Variants in PCNX4 observed in about 807,000 individuals in gnomAD.
PCNX4 encodes the protein pecanex-like protein 4.
A neutral mutation model predicts 107.2 loss-of-function variants in PCNX4; 103 were observed. The observed-to-expected ratio is 0.96, with a 90% confidence interval of 0.82 to 1.13. PCNX4 has a LOEUF of 1.13. Ranked by LOEUF, PCNX4 falls within the 50% of genes most tolerant of loss-of-function variation. The pLI, the probability that PCNX4 is intolerant of heterozygous loss-of-function variation, is 0.00. For missense variants in PCNX4, 1,528 were observed against 1,379.4 expected (o/e 1.11, Z -1.71); for synonymous variants, 541 against 481.7 (o/e 1.12, Z -1.61).
In PCNX4 at chr14:60,118,404, T is replaced by C. The variant is rs1895891887; in HGVS notation, c.1654T>C (p.Trp552Arg). ...TGCCGTGACTGTGCTTTTGACATCA[T>C]GGACAGAGAAAAAACAACGTCGAAA... ...QFAVTVLLTS[W>R]TEKKQRRKTT... The change falls in exon 7 of 11, where the codon TGG (tryptophan) becomes CGG (arginine). Residue 552 changes from tryptophan (W) to arginine (R), a missense_variant. Physicochemically the swap from Trp to Arg is moderately radical, Grantham distance 101. Transcript: ENST00000406854. 1.9e-6 allele frequency: 3 copies of C among 1,613,520 alleles called. No individual in the cohort carries two copies. Among genetic ancestry groups the C allele is most frequent in the Middle Eastern group, 1.7e-4 (1 of 6,060 alleles).
In PCNX4 at chr14:60,141,771, C is replaced by G. The variant is rs1896308710; in HGVS notation, c.*7550C>G. The G allele has an allele frequency of 6.6e-6, 1 of 152,154 alleles. No individual in the cohort carries two copies. The highest frequency in any genetic ancestry group is 2.4e-5 in the African/African-American group (1 of 41,420). The allele number at this position is 152,154 out of a possible 1,614,324, so 9.4% of individuals were successfully genotyped here. A position where few individuals can be genotyped will look rare whatever the true frequency, so the allele number is the denominator to read the frequency against. On this transcript the variant is annotated 3_prime_UTR_variant, in exon 11 of 11. Transcript: ENST00000406854. ...AATATAACAGTTTGTTTATACCATT[C>G]ACCTGTTGATGGACATTTGTTGGTT...
intron 2 of PCNX4, 196 bp downstream of exon 2, chr14:60,108,523 T>G (rs1172321768): frequency 2.5e-6 from 1 of 400,530 alleles, no homozygotes; most frequent in Non-Finnish European, 4.5e-6. Context: ...TAAAACTTAT[T>G]AAAGAGTTTT....
In PCNX4 at chr14:60,107,900, C is replaced by G; in HGVS notation, c.262C>G (p.Gln88Glu). Residue 88 changes from glutamine (Q) to glutamate (E), a missense_variant, in exon 2 of 11, where the codon CAG becomes GAG. Physicochemically the swap from Gln to Glu is conservative, Grantham distance 29. Coordinates refer to ENST00000406854, the MANE Select transcript of PCNX4 (RefSeq NM_001330177.2). ...AATGCTTTTTACTGCATTTGTCATC[C>G]AGTTCACAAGTTTATACGCCAAAAA... ...GLMLFTAFVI[Q>E]FTSLYAKNKS... 6.2e-7 allele frequency: 1 copy of G among 1,612,858 alleles called. No individual in the cohort carries two copies. Among genetic ancestry groups the G allele is most frequent in the Non-Finnish European group, 8.5e-7 (1 of 1,179,886 alleles).
chr14:60,108,174 T>C lies in PCNX4; in HGVS notation c.536T>C (p.Phe179Ser), dbSNP rs1240409017. The change falls in exon 2 of 11, where the codon TTT (phenylalanine) becomes TCT (serine). Residue 179 changes from phenylalanine (F) to serine (S), a missense_variant. Coordinates refer to ENST00000406854, the MANE Select transcript of PCNX4 (RefSeq NM_001330177.2). ...GGAGGCACTGCTCTACTATTCTTCT[T>C]TGGATGGATGACACTATGTATAGCA... ...STGGTALLFF[F>S]GWMTLCIAEY... 1 of 1,612,720 alleles carries C rather than the reference T, an allele frequency of 6.2e-7. No individual in the cohort carries two copies. The highest frequency in any genetic ancestry group is 8.5e-7 in the Non-Finnish European group (1 of 1,179,880).
Position 60,115,118 on chromosome 14 carries a change from C to T in PCNX4, c.1014C>T (p.Thr338=). ...GTGATATGGGTCACAAAATTGGAAC[C>T]AAATCTAAGGATTTACCCAGTGGTC... ...NLSDMGHKIG[T]KSKDLPSGPE... Residue 338 remains threonine, a synonymous_variant, in exon 4 of 11, where the codon ACC becomes ACT. Transcript: ENST00000406854. 1 of 1,613,776 alleles carries T rather than the reference C, an allele frequency of 6.2e-7. No homozygotes were observed. Among genetic ancestry groups the T allele is most frequent in the Non-Finnish European group, 8.5e-7 (1 of 1,179,832 alleles).
At chr14:60,099,845 C>T (rs889768860) in intron 1 of PCNX4, among the ~76,000 whole-genome samples, 2 of 152,032 alleles carry the variant, frequency 1.3e-5, no homozygotes, top group African/African-American at 4.8e-5. Flanking sequence ...AGGCAGATCT[C>T]TTGAGGTTAG....
In PCNX4 at chr14:60,124,782, C is replaced by G. The variant is rs759598381; in HGVS notation, c.2611C>G (p.Pro871Ala). 2.5e-6 allele frequency: 4 copies of G among 1,613,352 alleles called. No individual in the cohort carries two copies. In the East Asian group the frequency reaches 6.7e-5, roughly 27 times the overall value. The stretch of plus-strand genomic sequence containing the variant: ...TGGTGATCATTCTACAGGCACTGTT[C>G]CTGAAAACGATCTTTACAAAGCAGT... ...RVGDHSTGTV[P>A]ENDLYKAVLL... The change falls in exon 9 of 11, where the codon CCT (proline) becomes GCT (alanine). Residue 871 changes from proline (P) to alanine (A), a missense_variant. Coordinates refer to ENST00000406854, the MANE Select transcript of PCNX4 (RefSeq NM_001330177.2).
chr14:60,136,406 TATC>T lies in PCNX4; in HGVS notation c.*2190_*2192del, dbSNP rs1286095664. On this transcript the variant is annotated 3_prime_UTR_variant, in exon 11 of 11. Coordinates refer to ENST00000406854, the MANE Select transcript of PCNX4 (RefSeq NM_001330177.2). ...ATCTCATCTACTTCAAGACTTGAAA[TATC>T]ATCAATAAATTGATGATGATCAAAT... 4 of 152,202 alleles carry T rather than the reference TATC, an allele frequency of 2.6e-5. No individual in the cohort carries two copies. Among genetic ancestry groups the T allele is most frequent in the Non-Finnish European group, 5.9e-5 (4 of 68,032 alleles). 9.4% of individuals were successfully genotyped at this position (152,202 alleles called of 1,614,324 possible). A position where few individuals can be genotyped will look rare whatever the true frequency, so the allele number is the denominator to read the frequency against.
chr14:60,118,145 A>G (rs575679780), intron 6 of PCNX4, among the ~76,000 whole-genome samples, 184 bp from the exon 7 acceptor site: 41 of 151,952 alleles, frequency 2.7e-4, no homozygotes, highest in African/African-American at 7.2e-4. Flanking sequence ...CAAACTTTAA[A>G]ATATAGTCTT....
At chr14:60,102,587 G>T (rs932023332) in intron 1 of PCNX4, among the ~76,000 whole-genome samples, 2 of 152,138 alleles carry the variant, frequency 1.3e-5, no homozygotes, top group Non-Finnish European at 2.9e-5. Flanking sequence ...TGGCTATTTT[G>T]TTGGCCCACT....
chr14:60,124,381 C>T lies in PCNX4; in HGVS notation c.2210C>T (p.Ser737Phe), dbSNP rs764649647. 6.2e-7 allele frequency: 1 copy of T among 1,613,430 alleles called. No homozygotes were observed. The highest frequency in any genetic ancestry group is 8.5e-7 in the Non-Finnish European group (1 of 1,179,636). ...ACTGTTTTGCCTGTGAAATTGTATT[C>T]TGATGCCAGGAATGTTCTATCAGGC... is the stretch of plus-strand genomic sequence containing the variant. ...PCTVLPVKLY[S>F]DARNVLSGII... The change falls in exon 9 of 11, where the codon TCT becomes TTT. Residue 737 changes from serine (S) to phenylalanine (F), a missense_variant. Transcript: ENST00000406854.
rs900856756 is a variant in PCNX4, at chr14:60,143,320, G to A, written c.*9099G>A. The stretch of plus-strand genomic sequence containing the variant: ...ACATATGTTATTTTGTGGCATTCTA[G>A]AATTATTCCAATCTTTTCATTCTTA... On this transcript the variant is annotated 3_prime_UTR_variant, in exon 11 of 11. Coordinates refer to ENST00000406854, the MANE Select transcript of PCNX4 (RefSeq NM_001330177.2). The A allele has an allele frequency of 6.6e-6, 1 of 152,138 alleles. No homozygotes were observed. Among genetic ancestry groups the A allele is most frequent in the African/African-American group, 2.4e-5 (1 of 41,406 alleles). The allele number at this position is 152,138 out of a possible 1,614,324, so 9.4% of individuals were successfully genotyped here. A position where few individuals can be genotyped will look rare whatever the true frequency, so the allele number is the denominator to read the frequency against.
chr14:60,115,355 C>G lies in PCNX4; in HGVS notation c.1251C>G (p.Phe417Leu), dbSNP rs767924577. ...AAAGCGTATATATCATTGGAATTTT[C>G]CGAAATCCCTTTTATCCGAAGGATG... is the stretch of plus-strand genomic sequence containing the variant. Reference protein sequence around the residue: ...EIQSVYIIGIFRNPFYPKDVQ... With the variant: ...EIQSVYIIGILRNPFYPKDVQ... The change falls in exon 4 of 11, where the codon TTC becomes TTG. Residue 417 changes from phenylalanine to leucine, a missense_variant. Physicochemically the swap from Phe to Leu is conservative, Grantham distance 22 (BLOSUM62 0). Coordinates refer to ENST00000406854, the MANE Select transcript of PCNX4 (RefSeq NM_001330177.2). 2.5e-6 allele frequency: 4 copies of G among 1,604,412 alleles called. No homozygotes were observed. Among genetic ancestry groups the G allele is most frequent in the Non-Finnish European group, 3.4e-6 (4 of 1,174,752 alleles).
intron 6 of PCNX4, among the ~76,000 whole-genome samples, chr14:60,117,265 G>C (rs1895867317): frequency 6.6e-6 from 1 of 152,072 alleles, no homozygotes; most frequent in Non-Finnish European, 1.5e-5. Context: ...CATAGTAAGT[G>C]CTCTATTCAG....
In PCNX4 at chr14:60,138,215, CAAAAG is replaced by C. The variant is rs1244912248; in HGVS notation, c.*3997_*4001del. 6.6e-6 allele frequency: 1 copy of C among 151,094 alleles called. No individual in the cohort carries two copies. Among genetic ancestry groups the C allele is most frequent in the East Asian group, 1.9e-4 (1 of 5,162 alleles). The allele number at this position is 151,094 out of a possible 1,614,324, so 9.4% of individuals were successfully genotyped here. A position where few individuals can be genotyped will look rare whatever the true frequency, so the allele number is the denominator to read the frequency against. On this transcript the variant is annotated 3_prime_UTR_variant, in exon 11 of 11. Coordinates refer to ENST00000406854, the MANE Select transcript of PCNX4 (RefSeq NM_001330177.2). ...ATACCAGATGTGAAAAACTAAGAGACAAAAGAATAGAAAATATAGTAGAGAGTATA... is the reference window on the plus strand; with the variant it reads ...ATACCAGATGTGAAAAACTAAGAGACAATAGAAAATATAGTAGAGAGTATA...
intron 10 of PCNX4, chr14:60,133,624 A>C (rs1032173324): frequency 2.7e-5 from 13 of 479,196 alleles, no homozygotes; most frequent in African/African-American, 2.4e-4. Context: ...TTTCTTTAAA[A>C]AGAGCCTATT....
intron 2 of PCNX4, among the ~76,000 whole-genome samples, chr14:60,113,969 G>T (rs1482902403): frequency 6.6e-6 from 1 of 152,194 alleles, no homozygotes; most frequent in Non-Finnish European, 1.5e-5. Context: ...TAAGGTAGAA[G>T]TAGTCACTAC....
rs1241123297 is a variant in PCNX4, at chr14:60,147,586, A to G, written c.*13365A>G. The G allele has an allele frequency of 6.6e-6, 1 of 152,162 alleles. No individual in the cohort carries two copies. Among genetic ancestry groups the G allele is most frequent in the Non-Finnish European group, 1.5e-5 (1 of 68,034 alleles). The allele number at this position is 152,162 out of a possible 1,614,324, so 9.4% of individuals were successfully genotyped here. A position where few individuals can be genotyped will look rare whatever the true frequency, so the allele number is the denominator to read the frequency against. On this transcript the variant is annotated 3_prime_UTR_variant, in exon 11 of 11. Transcript: ENST00000406854. ...TATCTAACTCAAGCTGAGAAGGGGG[A>G]AAAAGCACAATAGCTAACACTTAGA...
rs1379517692 is a variant in PCNX4 at position 60,118,335 on chromosome 14, A to T, written c.1585A>T (p.Ile529Phe). 3 of 1,608,090 alleles carry T rather than the reference A, an allele frequency of 1.9e-6. No homozygotes were observed. In the African/African-American group the frequency reaches 4.0e-5, roughly 21 times the overall value. ...DTGLRLLLVGIIRDRLIQFIS... is the reference protein window; with the variant it reads ...DTGLRLLLVGFIRDRLIQFIS... ...AATTTTTACATTTCTACAGGTTGGTATCATACGTGATCGTTTGATTCAGTT... is the reference window on the plus strand; with the variant it reads ...AATTTTTACATTTCTACAGGTTGGTTTCATACGTGATCGTTTGATTCAGTT... Residue 529 changes from isoleucine to phenylalanine, a missense_variant, in exon 7 of 11, where the codon ATC becomes TTC. Transcript: ENST00000406854.
Sources: allele counts gnomAD v4.1 joint callset (sites outside exome capture counted in the v4.1 genomes callset), GRCh38; gene constraint gnomAD v4.1.1; transcripts MANE v1.5; gene names NCBI Gene and HGNC (gene_info 2026-07-23, HGNC 2026-07-21).